Variants in CACNA1C observed in about 807,000 individuals in gnomAD.
The protein encoded by CACNA1C is voltage-dependent L-type calcium channel subunit alpha-1C.
In CACNA1C, 30 loss-of-function variants were observed where a neutral mutation model predicts 229.0. The observed-to-expected ratio is 0.13, with a 90% CI of 0.10 to 0.18. The LOEUF (loss-of-function observed/expected upper bound fraction) is 0.18, where lower values mean the gene tolerates loss of function less well. CACNA1C is among the 10% of genes least tolerant of loss of function. The pLI, the probability that CACNA1C is intolerant of heterozygous loss-of-function variation, is 1.00. For missense variants in CACNA1C, 1,658 were observed against 2,845.0 expected (o/e 0.58, Z 9.49); for synonymous variants, 1,114 against 1,132.5 (o/e 0.98, Z 0.33).
chr12:2,158,385 G>A (rs749953580), intron 3 of CACNA1C, among the ~76,000 whole-genome samples: 35 of 152,288 alleles, frequency 2.3e-4, no homozygotes, highest in Non-Finnish European at 4.3e-4. Context: ...AGACCAGCCT[G>A]GGCAACATGG....
intron 3 of CACNA1C, among the ~76,000 whole-genome samples, chr12:2,310,397 G>A (rs991997465): frequency 2.0e-5 from 3 of 151,294 alleles, no homozygotes; most frequent in Admixed American, 6.6e-5. Context: ...ACTTCTTGAT[G>A]TGTATCACCA....
At chr12:2,492,004 G>A (rs1038363648) in intron 6 of CACNA1C, among the ~76,000 whole-genome samples, 1 of 150,864 alleles carries the variant, frequency 6.6e-6, no homozygotes, top group African/African-American at 2.5e-5. Context: ...CTCTTTGGAA[G>A]TGTATTTTCA....
chr12:2,239,829 G>A (rs1348840876), intron 3 of CACNA1C, among the ~76,000 whole-genome samples: 3 of 152,212 alleles, frequency 2.0e-5, no homozygotes, highest in African/African-American at 4.8e-5. Flanking sequence ...TGCGGGGGGC[G>A]GTGAAGGCTG....
chr12:2,018,483 A>G (rs1165992943), intron 1 of CACNA1C, among the ~76,000 whole-genome samples: 1 of 152,124 alleles, frequency 6.6e-6, no homozygotes, highest in Non-Finnish European at 1.5e-5. Context: ...TGGCTCCAGT[A>G]CACCACGGCT....
intron 9 of CACNA1C, among the ~76,000 whole-genome samples, chr12:2,532,443 A>T (rs1394981659): frequency 1.3e-5 from 2 of 152,218 alleles, no homozygotes; most frequent in Non-Finnish European, 2.9e-5. Flanking sequence ...TTATTGAGAT[A>T]GTAACAGGCC....
At chr12:2,136,632 C>T (rs1410312322) in intron 3 of CACNA1C, among the ~76,000 whole-genome samples, 2 of 151,238 alleles carry the variant, frequency 1.3e-5, no homozygotes, top group East Asian at 3.9e-4. Flanking sequence ...GAGTGAACGT[C>T]CCCAGGCTGG....
At chr12:1,993,612 T>C (rs1368806745) in intron 1 of CACNA1C, among the ~76,000 whole-genome samples, 4 of 146,874 alleles carry the variant, frequency 2.7e-5, no homozygotes, top group Non-Finnish European at 6.0e-5. Context: ...TAAAATTGAG[T>C]CATACTTCAT....
At chr12:2,501,838 C>T (rs2099761137) in intron 7 of CACNA1C, among the ~76,000 whole-genome samples, 1 of 152,262 alleles carries the variant, frequency 6.6e-6, no homozygotes. Flanking sequence ...ACCTTTCACC[C>T]CGCCTCTCCT....
chr12:2,292,020 G>C (rs951521346), intron 3 of CACNA1C, among the ~76,000 whole-genome samples: 10 of 152,182 alleles, frequency 6.6e-5, no homozygotes, highest in African/African-American at 2.4e-4. Flanking sequence ...CAGGTCTCAG[G>C]CTGCTCTGAG....
intron 1 of CACNA1C, among the ~76,000 whole-genome samples, chr12:2,091,869 G>C (rs2071275727): frequency 6.6e-6 from 1 of 152,144 alleles, no homozygotes; most frequent in African/African-American, 2.4e-5. Context: ...GGATCTGAAG[G>C]CTTGGGCTTG....
intron 1 of CACNA1C, among the ~76,000 whole-genome samples, chr12:2,100,301 CT>C (rs2075797307): frequency 6.6e-6 from 1 of 151,568 alleles, no homozygotes; most frequent in African/African-American, 2.4e-5. Flanking sequence ...CAAAAATTAG[CT>C]GGGTGTGGTG....
chr12:2,432,260 G>GCTCC (rs2099093246), intron 3 of CACNA1C, among the ~76,000 whole-genome samples: 1 of 152,228 alleles, frequency 6.6e-6, no homozygotes, highest in Non-Finnish European at 1.5e-5. Context: ...TAGGGGGCAT[G>GCTCC]TGGTCGGCAA....
intron 1 of CACNA1C, among the ~76,000 whole-genome samples, chr12:2,070,730 T>C (rs1025172370): frequency 6.6e-6 from 1 of 152,224 alleles, no homozygotes; most frequent in African/African-American, 2.4e-5. Context: ...TTACATAGAT[T>C]AAAATATATT....
At chr12:2,228,085 CAT>C (rs1338192958) in intron 3 of CACNA1C, among the ~76,000 whole-genome samples, 5 of 152,120 alleles carry the variant, frequency 3.3e-5, no homozygotes, top group East Asian at 1.9e-4. Flanking sequence ...TTCTGGGACA[CAT>C]GTGAATAGAG....
At chr12:2,315,102 A>G (rs1273311653) in intron 3 of CACNA1C, among the ~76,000 whole-genome samples, 1 of 152,144 alleles carries the variant, frequency 6.6e-6, no homozygotes, top group Non-Finnish European at 1.5e-5. Context: ...CATGAGAGAA[A>G]AGGACACGTC....
At chr12:2,436,621 T>A (rs114636074) in intron 3 of CACNA1C, among the ~76,000 whole-genome samples, 6 of 152,316 alleles carry the variant, frequency 3.9e-5, no homozygotes, top group African/African-American at 1.4e-4. Flanking sequence ...TTCCAGTGTC[T>A]GCACGCTACT....
intron 13 of CACNA1C, among the ~76,000 whole-genome samples, chr12:2,569,136 G>A (rs964991641): frequency 6.6e-5 from 10 of 152,020 alleles, no homozygotes; most frequent in Admixed American, 2.0e-4. Flanking sequence ...ATGTCAGTCC[G>A]GCACCTACCC....
At chr12:2,367,427 C>A (rs2097755142) in intron 3 of CACNA1C, among the ~76,000 whole-genome samples, 1 of 152,092 alleles carries the variant, frequency 6.6e-6, no homozygotes, top group African/African-American at 2.4e-5. Context: ...ACACAGATAT[C>A]CAGAAGCATA....
chr12:2,511,003 G>T (rs575267822), intron 8 of CACNA1C, among the ~76,000 whole-genome samples: 1 of 152,130 alleles, frequency 6.6e-6, no homozygotes, highest in African/African-American at 2.4e-5. Context: ...AGTTTCCCTC[G>T]CCATTGTGAG....
Sources: gnomAD v4.1 joint callset for allele counts (sites outside exome capture counted in the v4.1 genomes callset) on GRCh38, gnomAD v4.1.1 for gene constraint, MANE v1.5 for transcripts, NCBI Gene and HGNC (gene_info 2026-07-23, HGNC 2026-07-21) for gene names.